CCSER1: variants seen among roughly 807,000 people sequenced by gnomAD.
CCSER1 encodes the protein serine-rich coiled-coil domain-containing protein 1.
Under a neutral mutation model 82.0 loss-of-function variants are expected in CCSER1, and 41 were observed. The observed-to-expected ratio is 0.50, with a 90% confidence interval of 0.39 to 0.65. CCSER1 has a LOEUF of 0.65. Ranked by LOEUF, CCSER1 falls within the 30% of genes least tolerant of loss-of-function variation. CCSER1 has a pLI of 0.00. For synonymous variants in CCSER1, 414 were observed against 383.9 expected (o/e 1.08, Z -0.92); for missense variants, 1,119 against 1,064.2 (o/e 1.05, Z -0.72).
chr4:90,769,520 T>C (rs7665447), intron 7 of CCSER1, among the ~76,000 whole-genome samples: 90,192 of 151,962 alleles, frequency 0.59, 26,973 homozygotes, highest in African/African-American at 0.66. Context: ...AATTGCATAA[T>C]TGGACTTCAG....
intron 1 of CCSER1, among the ~76,000 whole-genome samples, chr4:90,170,203 T>C (rs913669119): frequency 2.6e-5 from 4 of 152,054 alleles, no homozygotes; most frequent in Admixed American, 2.6e-4. Flanking sequence ...AGGCAGATAG[T>C]ATATCTACAA....
intron 10 of CCSER1, among the ~76,000 whole-genome samples, chr4:91,378,136 T>G (rs1750571814): frequency 6.6e-6 from 1 of 152,226 alleles, no homozygotes. Flanking sequence ...AGTGCCATGC[T>G]GTTTTGGTTA....
chr4:91,424,056 CCGGACTG>C (rs1438090551), intron 10 of CCSER1, among the ~76,000 whole-genome samples: 1 of 125,954 alleles, frequency 7.9e-6, no homozygotes, highest in Admixed American at 9.8e-5. Context: ...GTCGCCCAGG[CCGGACTG>C]CGGACTGCAG....
intron 4 of CCSER1, among the ~76,000 whole-genome samples, chr4:90,447,998 T>C (rs1417261740): frequency 1.3e-5 from 2 of 152,172 alleles, no homozygotes; most frequent in African/African-American, 2.4e-5. Flanking sequence ...AATTTTGACA[T>C]ACTTCTCTAG....
chr4:91,312,536 A>G (rs1361949995), intron 10 of CCSER1, among the ~76,000 whole-genome samples: 5 of 151,896 alleles, frequency 3.3e-5, no homozygotes, highest in Non-Finnish European at 5.9e-5. Context: ...TGTTTTTCAA[A>G]TACCATAAAA....
intron 10 of CCSER1, among the ~76,000 whole-genome samples, chr4:91,288,641 C>G (rs1382883800): frequency 1.3e-5 from 2 of 151,966 alleles, no homozygotes; most frequent in African/African-American, 4.8e-5. Context: ...AAGAAAGGCA[C>G]AAAACTCTAT....
chr4:90,185,824 G>A (rs531840867), intron 1 of CCSER1, among the ~76,000 whole-genome samples: 1 of 152,150 alleles, frequency 6.6e-6, no homozygotes, highest in African/African-American at 2.4e-5. Flanking sequence ...TTTCAAGGAA[G>A]TGAGGCATTA....
chr4:90,343,403 G>A (rs983127753), intron 3 of CCSER1, among the ~76,000 whole-genome samples: 1 of 152,154 alleles, frequency 6.6e-6, no homozygotes, highest in Non-Finnish European at 1.5e-5. Context: ...GATCATTTGA[G>A]GTCAGGGGTT....
intron 1 of CCSER1, among the ~76,000 whole-genome samples, chr4:90,180,628 C>A (rs184872832): frequency 1.7e-4 from 26 of 152,140 alleles, no homozygotes; most frequent in Admixed American, 1.6e-3. Context: ...TAAAACTCTT[C>A]CCTCTGTGAC....
chr4:90,806,996 A>C (rs754270538), intron 7 of CCSER1, among the ~76,000 whole-genome samples: 1 of 152,014 alleles, frequency 6.6e-6, no homozygotes, highest in Non-Finnish European at 1.5e-5. Flanking sequence ...ACTTTTCTTA[A>C]GTGACATATT....
intron 10 of CCSER1, among the ~76,000 whole-genome samples, chr4:91,405,603 G>T (rs1200494606): frequency 6.6e-6 from 1 of 152,172 alleles, no homozygotes; most frequent in Non-Finnish European, 1.5e-5. Context: ...CTGCCTCGGG[G>T]CTGCCTTGCA....
chr4:91,289,377 T>C (rs1166084337), intron 10 of CCSER1, among the ~76,000 whole-genome samples: 5 of 151,962 alleles, frequency 3.3e-5, no homozygotes, highest in African/African-American at 1.2e-4. Context: ...ATCAACAGAA[T>C]CAGATTCAGA....
rs920898042 is a variant in CCSER1 at position 90,543,127 on chromosome 4, A to G, written c.1724+74773A>G. On this transcript the variant is annotated intron_variant, in intron 5 of 10. Coordinates refer to ENST00000509176, the MANE Select transcript of CCSER1 (RefSeq NM_001145065.2). Reference sequence around the variant, plus strand: ...ATTTTGAACTAGGAGTTCACATGCAATTGCCCATGTTTCATACTGTTGTAT... The same window carrying G: ...ATTTTGAACTAGGAGTTCACATGCAGTTGCCCATGTTTCATACTGTTGTAT... Among the ~76,000 whole-genome samples the G allele has an allele frequency of 5.3e-5, 8 of 152,082 alleles. No homozygotes were observed. The South Asian group carries it at 8.3e-4, about 16-fold the overall frequency.
At chr4:90,317,255 C>T (rs1243474952) in intron 3 of CCSER1, among the ~76,000 whole-genome samples, 1 of 152,004 alleles carries the variant, frequency 6.6e-6, no homozygotes, top group Non-Finnish European at 1.5e-5. Context: ...ATACAGAAGA[C>T]CTGGTACCGT....
chr4:90,881,320 A>ACG, intron 8 of CCSER1, among the ~76,000 whole-genome samples: 1 of 147,256 alleles, frequency 6.8e-6, no homozygotes. Context: ...AGACAGACAG[A>ACG]GAGAGAGAGA....
intron 9 of CCSER1, among the ~76,000 whole-genome samples, chr4:91,020,589 A>G (rs1301717704): frequency 3.3e-5 from 5 of 152,100 alleles, no homozygotes; most frequent in South Asian, 2.1e-4. Flanking sequence ...GTGAACCCAG[A>G]AGGCGGGGCT....
At chr4:90,922,922 G>C (rs2150249138) in intron 8 of CCSER1, among the ~76,000 whole-genome samples, 1 of 152,222 alleles carries the variant, frequency 6.6e-6, no homozygotes, top group East Asian at 1.9e-4. Flanking sequence ...ATGTGTAGAG[G>C]TTTTTGGAAA....
chr4:90,370,008 AT>A (rs1747098599), intron 3 of CCSER1: 1 of 152,136 alleles, frequency 6.6e-6, no homozygotes, highest in Non-Finnish European at 1.5e-5. Flanking sequence ...CCTAACAATT[AT>A]TTTTAAAACC....
intron 5 of CCSER1, among the ~76,000 whole-genome samples, chr4:90,484,072 C>G (rs776041761): frequency 6.6e-6 from 1 of 152,164 alleles, no homozygotes; most frequent in Admixed American, 6.5e-5. Context: ...TTGTTCGTTT[C>G]TTTTTATTCT....
Sources: gnomAD v4.1 joint callset for allele counts (sites outside exome capture counted in the v4.1 genomes callset) on GRCh38, gnomAD v4.1.1 for gene constraint, MANE v1.5 for transcripts, NCBI Gene and HGNC (gene_info 2026-07-23, HGNC 2026-07-21) for gene names.